FNDC3B: variants seen among roughly 807,000 people sequenced by gnomAD.
FNDC3B encodes fibronectin type III domain containing 3B, also known as fibronectin type III domain-containing protein 3B.
Under a neutral mutation model 151.5 loss-of-function variants are expected in FNDC3B, and 12 were observed. That is an observed-to-expected ratio of 0.08 (90% CI 0.05 to 0.13). FNDC3B has a LOEUF of 0.13. FNDC3B is among the 10% of genes least tolerant of loss of function. FNDC3B has a pLI of 1.00. For missense variants in FNDC3B, 1,214 were observed against 1,505.3 expected, an observed-to-expected ratio of 0.81 and a Z score of 3.20; for synonymous variants, 528 against 549.0, an observed-to-expected ratio of 0.96 and a Z score of 0.54.
chr3:172,327,707 G>T (rs1732430586), intron 11 of FNDC3B, among the ~76,000 whole-genome samples: 1 of 152,198 alleles, frequency 6.6e-6, no homozygotes, highest in African/African-American at 2.4e-5. Context: ...CCCGGCCAGT[G>T]TGGTTGTTTT....
At chr3:172,122,827 G>C (rs971226810) in intron 2 of FNDC3B, among the ~76,000 whole-genome samples, 1 of 152,204 alleles carries the variant, frequency 6.6e-6, no homozygotes, top group East Asian at 1.9e-4. Flanking sequence ...TAATTGGGCA[G>C]TTAAGTGGAG....
At chr3:172,332,962 T>C in intron 13 of FNDC3B, 127 bp from the exon 14 acceptor site, 1 of 734,634 alleles carries the variant, frequency 1.4e-6, no homozygotes, top group East Asian at 2.5e-5. Context: ...TCTTTTGCGG[T>C]AGCTGCCAGA....
At chr3:172,122,132 ACT>A in intron 2 of FNDC3B, among the ~76,000 whole-genome samples, 2 of 152,242 alleles carry the variant, frequency 1.3e-5, no homozygotes, top group Middle Eastern at 6.8e-3. Flanking sequence ...ATGTAGGCAG[ACT>A]CTTTTCTTTT....
chr3:172,183,291 C>T (rs956903394), intron 3 of FNDC3B, among the ~76,000 whole-genome samples: 1 of 152,206 alleles, frequency 6.6e-6, no homozygotes, highest in African/African-American at 2.4e-5. Flanking sequence ...CCCAATTTCA[C>T]TTCCAGAGGT....
Position 172,353,224 on chromosome 3 carries a change from G to T in FNDC3B, c.2795+141G>T, listed in dbSNP as rs1363174872. The T allele has an allele frequency of 8.5e-6, 7 of 822,840 alleles. No homozygotes were observed. The East Asian group carries it at 1.6e-4, about 19-fold the overall frequency. 51.0% of individuals were successfully genotyped at this position (822,840 alleles called of 1,614,324 possible). A position where few individuals can be genotyped will look rare whatever the true frequency, so the allele number is the denominator to read the frequency against. On this transcript the variant is annotated intron_variant, in intron 22 of 25. Transcript: ENST00000415807. ...GATGTCCAGAGTATTGTCTCACCTTGATCCCTCAGGCCAGAAGACCTGTGA... is the reference window on the plus strand; with the variant it reads ...GATGTCCAGAGTATTGTCTCACCTTTATCCCTCAGGCCAGAAGACCTGTGA...
chr3:172,099,926 C>T (rs959222303), intron 1 of FNDC3B, among the ~76,000 whole-genome samples: 1 of 151,876 alleles, frequency 6.6e-6, no homozygotes, highest in African/African-American at 2.4e-5. Flanking sequence ...TCTGGGAGAC[C>T]CTTGGGTACT....
intron 3 of FNDC3B, among the ~76,000 whole-genome samples, chr3:172,142,788 A>G (rs1201058266): frequency 6.6e-6 from 1 of 152,218 alleles, no homozygotes; most frequent in Non-Finnish European, 1.5e-5. Flanking sequence ...TAACAAAAAT[A>G]CCAGAGACCG....
chr3:172,372,965 G>A (rs889747442), intron 23 of FNDC3B, among the ~76,000 whole-genome samples: 4 of 152,192 alleles, frequency 2.6e-5, no homozygotes, highest in East Asian at 3.8e-4. Flanking sequence ...GCGCAGAGCT[G>A]GTTAGAGCAC....
intron 1 of FNDC3B, among the ~76,000 whole-genome samples, chr3:172,072,877 A>G (rs1717845588): frequency 6.6e-6 from 1 of 152,228 alleles, no homozygotes; most frequent in Non-Finnish European, 1.5e-5. Flanking sequence ...AAACGGTGAC[A>G]CTGATGCCTC....
At chr3:172,344,983 G>A (rs576143653) in intron 19 of FNDC3B, among the ~76,000 whole-genome samples, 12 of 152,204 alleles carry the variant, frequency 7.9e-5, no homozygotes, top group East Asian at 1.9e-4. Context: ...TAAATGCCCC[G>A]TCCAAAGTGC....
intron 1 of FNDC3B, among the ~76,000 whole-genome samples, chr3:172,106,753 C>T (rs1274744896): frequency 6.6e-6 from 1 of 152,112 alleles, no homozygotes; most frequent in Non-Finnish European, 1.5e-5. Flanking sequence ...TTCTGCGAAT[C>T]GTTGTTTTTC....
intron 23 of FNDC3B, among the ~76,000 whole-genome samples, chr3:172,371,927 A>T (rs1734901579): frequency 6.6e-6 from 1 of 152,220 alleles, no homozygotes; most frequent in Non-Finnish European, 1.5e-5. Flanking sequence ...TAGAAACAAT[A>T]ATATTTACAT....
intron 1 of FNDC3B, among the ~76,000 whole-genome samples, chr3:172,092,717 A>G (rs1718902045): frequency 6.6e-6 from 1 of 152,272 alleles, no homozygotes; most frequent in South Asian, 2.1e-4. Context: ...GAATAGCAAG[A>G]GCAAAAGCTC....
intron 6 of FNDC3B, among the ~76,000 whole-genome samples, chr3:172,266,512 C>T (rs906661977): frequency 6.6e-6 from 1 of 152,188 alleles, no homozygotes; most frequent in African/African-American, 2.4e-5. Flanking sequence ...TATTCTATCA[C>T]AGTTCTGGAG....
At chr3:172,283,979 G>A (rs534651481) in intron 6 of FNDC3B, among the ~76,000 whole-genome samples, 198 of 152,180 alleles carry the variant, frequency 1.3e-3, no homozygotes, top group African/African-American at 4.6e-3. Context: ...TTTCTCACCA[G>A]ACTAAAGGTA....
intron 1 of FNDC3B, among the ~76,000 whole-genome samples, chr3:172,059,619 C>T (rs80120632): frequency 6.6e-6 from 1 of 152,042 alleles, no homozygotes; most frequent in African/African-American, 2.4e-5. Flanking sequence ...ATCTAGTATA[C>T]TTAAATTTGG....
intron 1 of FNDC3B, among the ~76,000 whole-genome samples, chr3:172,054,152 TACTA>T (rs531979074): frequency 5.9e-5 from 9 of 152,340 alleles, no homozygotes; most frequent in Admixed American, 2.6e-4. Flanking sequence ...CTATTCCTAA[TACTA>T]ACTGTTTTTC....
chr3:172,355,527 C>T (rs1356852824), intron 22 of FNDC3B, among the ~76,000 whole-genome samples: 1 of 151,786 alleles, frequency 6.6e-6, no homozygotes, highest in East Asian at 1.9e-4. Context: ...GGGGGGGGGC[C>T]TAGCACTTGG....
intron 11 of FNDC3B, among the ~76,000 whole-genome samples, chr3:172,324,288 G>T (rs1179686931): frequency 6.6e-6 from 1 of 152,072 alleles, no homozygotes; most frequent in Non-Finnish European, 1.5e-5. Flanking sequence ...CTTTCCTGGA[G>T]AGCAGTTTTG....
Sources: allele counts gnomAD v4.1 joint callset (sites outside exome capture counted in the v4.1 genomes callset), GRCh38; gene constraint gnomAD v4.1.1; transcripts MANE v1.5; gene names NCBI Gene and HGNC (gene_info 2026-07-23, HGNC 2026-07-21).